Variants in INTS4 observed in about 807,000 individuals in gnomAD.
INTS4 encodes MSTP093.
Under a neutral mutation model 119.5 loss-of-function variants are expected in INTS4, and 70 were observed. The ratio of observed to expected loss-of-function variants is 0.59; its 90% CI spans 0.48 to 0.71. The LOEUF is 0.71. INTS4 is among the 30% of genes least tolerant of loss of function. The pLI, the probability that INTS4 is intolerant of heterozygous loss-of-function variation, is 0.00. For synonymous variants in INTS4, 316 were observed against 419.6 expected (o/e 0.75, Z 3.02); for missense variants, 867 against 1,173.2 (o/e 0.74, Z 3.81).
At position 77,991,156 on chromosome 11, in the gene INTS4, C is replaced by A. The variant is rs145060099; in HGVS notation, c.198G>T (p.Ala66=). 6.2e-7 allele frequency: 1 copy of A among 1,614,146 alleles called. No individual in the cohort carries two copies. Among genetic ancestry groups the A allele is most frequent in the Admixed American group, 1.7e-5 (1 of 60,012 alleles). The change falls in exon 2 of 23, where the codon GCG becomes GCT. Residue 66 remains alanine, a synonymous_variant. Coordinates refer to ENST00000534064, the MANE Select transcript of INTS4 (RefSeq NM_033547.4). ...TCCTGACTACTCCCTCTACGCTTTC[C>A]GCCTCGACAGGCTTCCTGGCAAACT... ...LLQFARKPVE[A]ESVEGVVRIL...
intron 22 of INTS4, among the ~76,000 whole-genome samples, chr11:77,879,982 A>G (rs889471243): frequency 6.6e-6 from 1 of 152,174 alleles, no homozygotes; most frequent in Non-Finnish European, 1.5e-5. Context: ...CCCCAGATGC[A>G]CACCTGGGTA....
intron 4 of INTS4, among the ~76,000 whole-genome samples, chr11:77,961,535 G>GTA (rs967450967): frequency 2.0e-5 from 3 of 152,190 alleles, no homozygotes; most frequent in African/African-American, 7.2e-5. Context: ...AATCTTAAGT[G>GTA]TACAGCTCAA....
In INTS4 at chr11:77,924,913, A is replaced by G. The variant is rs1292786017; in HGVS notation, c.1372-21T>C. 5 of 1,585,088 alleles carry G rather than the reference A, an allele frequency of 3.2e-6. No individual in the cohort carries two copies. The Admixed American group carries it at 8.5e-5, about 27-fold the overall frequency. ...GAATCCTTTTAAAAAAAAAGTAATA[A>G]TAACAGTAGTTACTGTTGGTTAGCA... On this transcript the variant is annotated intron_variant, in intron 11 of 22. Coordinates refer to ENST00000534064, the MANE Select transcript of INTS4 (RefSeq NM_033547.4).
rs558944806 is a variant in INTS4 at position 77,911,749 on chromosome 11, T to C, written c.1923-3939A>G. 7.9e-4 allele frequency among the ~76,000 whole-genome samples: 121 copies of C among 152,354 alleles called. 1 individual carries two copies. The highest frequency in any genetic ancestry group is 2.8e-3 in the African/African-American group (116 of 41,588). On this transcript the variant is annotated intron_variant, in intron 15 of 22. Transcript: ENST00000534064. ...TCCATCAGGAGACTATGGGCTCTAATGAGAAAGGTAAACTGAGCACATTCT... is the reference window on the plus strand; with the variant it reads ...TCCATCAGGAGACTATGGGCTCTAACGAGAAAGGTAAACTGAGCACATTCT...
downstream of INTS4, chr11:77,877,049 G>C: frequency 2.8e-6 from 2 of 702,938 alleles, no homozygotes; most frequent in Non-Finnish European, 5.2e-6. Flanking sequence ...ATGCAAAACA[G>C]GTAAGCACAC....
At chr11:77,917,299 T>C (rs1423210672) in intron 15 of INTS4, among the ~76,000 whole-genome samples, 1 of 151,236 alleles carries the variant, frequency 6.6e-6, no homozygotes, top group East Asian at 2.0e-4. Flanking sequence ...AATTATATAA[T>C]ATAATATTTT....
At chr11:77,956,987 T>C (rs1022295111) in intron 7 of INTS4, among the ~76,000 whole-genome samples, 2 of 152,026 alleles carry the variant, frequency 1.3e-5, no homozygotes, top group Non-Finnish European at 2.9e-5. Flanking sequence ...CAGGCTGGAG[T>C]GCAGTGGCGT....
intron 2 of INTS4, among the ~76,000 whole-genome samples, chr11:77,989,877 C>T (rs533453705): frequency 3.7e-4 from 57 of 152,174 alleles, no homozygotes; most frequent in African/African-American, 1.3e-3. Flanking sequence ...CCCGCCTGGG[C>T]GAGAAAGCAA....
intron 10 of INTS4, among the ~76,000 whole-genome samples, chr11:77,937,246 G>T (rs1284587580): frequency 6.6e-6 from 1 of 151,988 alleles, no homozygotes; most frequent in Non-Finnish European, 1.5e-5. Flanking sequence ...AAAACTATTT[G>T]ATTCAAGAAG....
chr11:77,958,919 T>C (rs949130728), intron 6 of INTS4, 85 bp from the exon 7 acceptor site: 16 of 896,896 alleles, frequency 1.8e-5, no homozygotes, highest in Non-Finnish European at 2.9e-5. Flanking sequence ...GATAGGGTGG[T>C]TGGATAAGGA....
chr11:77,960,828 C>A, intron 5 of INTS4, 125 bp downstream of exon 5: 2 of 860,122 alleles, frequency 2.3e-6, no homozygotes, highest in Non-Finnish European at 3.5e-6. Flanking sequence ...TCTGCGAGGC[C>A]ACCACCAATA....
At chr11:77,924,999 G>C in intron 11 of INTS4, 107 bp from the exon 12 acceptor site, 3 of 738,950 alleles carry the variant, frequency 4.1e-6, no homozygotes, top group Non-Finnish European at 6.4e-6. Flanking sequence ...GGGTGGCCAT[G>C]TAACAAAGTA....
chr11:77,937,577 C>T (rs1429253320), intron 10 of INTS4, among the ~76,000 whole-genome samples: 1 of 151,990 alleles, frequency 6.6e-6, no homozygotes, highest in Non-Finnish European at 1.5e-5. Flanking sequence ...GGCCCTGTCT[C>T]TACAAAAAAT....
At chr11:77,883,762 C>T in intron 22 of INTS4, 70 bp downstream of exon 22, 1 of 1,525,888 alleles carries the variant, frequency 6.6e-7, no homozygotes, top group Non-Finnish European at 8.9e-7. Flanking sequence ...ACTTTAAAAA[C>T]CAAACGCTTA....
chr11:77,980,929 C>T lies in INTS4; in HGVS notation c.364+530G>A, dbSNP rs189581642. 2.0e-5 allele frequency among the ~76,000 whole-genome samples: 3 copies of T among 150,246 alleles called. No individual in the cohort carries two copies. In the East Asian group the frequency reaches 5.9e-4, roughly 29 times the overall value. On this transcript the variant is annotated intron_variant, in intron 3 of 22. Coordinates refer to ENST00000534064, the MANE Select transcript of INTS4 (RefSeq NM_033547.4). ...AATGACGTGAACCCGGGAGGCAGAG[C>T]TTGCAGTGAGCCGAGATCGTGCCAC...
At chr11:77,890,629 A>G (rs1952220810) in intron 21 of INTS4, among the ~76,000 whole-genome samples, 1 of 152,174 alleles carries the variant, frequency 6.6e-6, no homozygotes, top group African/African-American at 2.4e-5. Context: ...GCCCATTTGT[A>G]TGTCTCTCAA....
chr11:77,981,502 TG>T lies in INTS4; in HGVS notation c.320del (p.Pro107GlnfsTer21). 6.4e-7 allele frequency: 1 copy of T among 1,573,048 alleles called. No individual in the cohort carries two copies. On this transcript the variant is annotated frameshift_variant, in exon 3 of 23. Coordinates refer to ENST00000534064, the MANE Select transcript of INTS4 (RefSeq NM_033547.4). LOFTEE classifies it high-confidence loss of function. Reference sequence around the variant, plus strand: ...TGATGGCATCATCCATAATGCAGTCTGGTGAAAATCCTGCTGTCTTTGATAA... The same window carrying T: ...TGATGGCATCATCCATAATGCAGTCTGTGAAAATCCTGCTGTCTTTGATAA... ...GLLSKTAGFSPDCIMDDAINI... is the reference protein window; with the variant it reads ...GLLSKTAGFSXDCIMDDAINI...
At chr11:77,884,759 CTT>C in intron 21 of INTS4, 2 of 382,266 alleles carry the variant, frequency 5.2e-6, no homozygotes, top group Admixed American at 2.8e-5. Context: ...TTCTTTCTTT[CTT>C]TTTTTTTCTT....
At chr11:77,953,250 A>C (rs1285790903) in intron 8 of INTS4, among the ~76,000 whole-genome samples, 1 of 152,214 alleles carries the variant, frequency 6.6e-6, no homozygotes, top group Non-Finnish European at 1.5e-5. Flanking sequence ...GGGGGCACTC[A>C]AAGGGGAAGT....
Sources: gnomAD v4.1 joint callset for allele counts (sites outside exome capture counted in the v4.1 genomes callset) on GRCh38, gnomAD v4.1.1 for gene constraint, MANE v1.5 for transcripts, NCBI Gene and HGNC (gene_info 2026-07-23, HGNC 2026-07-21) for gene names.